Variants in NXPE2 observed in about 807,000 individuals in gnomAD.
NXPE2 encodes NXPE family member 2.
NXPE2 carries 34 observed loss-of-function variants against 34.4 expected under a neutral mutation model. The observed-to-expected ratio is 0.99, with a 90% confidence interval of 0.75 to 1.31. NXPE2 has a LOEUF of 1.31. NXPE2 is among the 40% of genes most tolerant of loss of function. The pLI is 0.00. For synonymous variants in NXPE2, 235 were observed against 231.3 expected (o/e 1.02, Z -0.15); for missense variants, 649 against 672.5 (o/e 0.97, Z 0.39).
the NXPE2 span, among the ~76,000 whole-genome samples, chr11:114,466,698 T>A: frequency 6.6e-6 from 1 of 152,326 alleles, no homozygotes; most frequent in African/African-American, 2.4e-5. Flanking sequence ...GTGGTATCAT[T>A]CCTTGTTGCA....
chr11:114,687,940 G>A (rs1438504062), intron 2 of NXPE2, among the ~76,000 whole-genome samples: 2 of 151,998 alleles, frequency 1.3e-5, no homozygotes, highest in Non-Finnish European at 2.9e-5. Flanking sequence ...CGTAAGTTTT[G>A]TATCCTGAGA....
At chr11:114,637,187 T>C in the NXPE2 span, among the ~76,000 whole-genome samples, 1 of 151,964 alleles carries the variant, frequency 6.6e-6, no homozygotes, top group African/African-American at 2.4e-5. Flanking sequence ...TTAGCTCTTC[T>C]TGTTGAGTTG....
chr11:114,509,062 A>G, the NXPE2 span, among the ~76,000 whole-genome samples: 2 of 152,230 alleles, frequency 1.3e-5, no homozygotes, highest in Non-Finnish European at 2.9e-5. Context: ...AATTACAAGA[A>G]AAAATCAACC....
chr11:114,586,789 C>T, the NXPE2 span, among the ~76,000 whole-genome samples: 1,432 of 152,188 alleles, frequency 9.4e-3, 21 homozygotes, highest in African/African-American at 0.032. Context: ...CTTTCCTATC[C>T]GCAACTTCCA....
chr11:114,637,577 G>A, the NXPE2 span, among the ~76,000 whole-genome samples: 1 of 150,380 alleles, frequency 6.6e-6, no homozygotes, highest in African/African-American at 2.4e-5. Context: ...TTTACATTTT[G>A]GCATGATTTT....
downstream of NXPE2, among the ~76,000 whole-genome samples, chr11:114,711,558 A>G (rs1859612812): frequency 6.6e-6 from 1 of 152,206 alleles, no homozygotes; most frequent in African/African-American, 2.4e-5. Flanking sequence ...AATATACTTA[A>G]TTAAGGAGAT....
the NXPE2 span, among the ~76,000 whole-genome samples, chr11:114,489,571 G>A: frequency 9.9e-5 from 15 of 151,676 alleles, no homozygotes; most frequent in Non-Finnish European, 1.0e-4. Context: ...ATCAATAAAC[G>A]TAATCCAGCA....
chr11:114,522,495 A>G, the NXPE2 span: 5 of 1,587,422 alleles, frequency 3.1e-6, no homozygotes, highest in Admixed American at 9.1e-5. Flanking sequence ...AGATCAAAAA[A>G]CTTCAGTGCT....
At chr11:114,775,849 C>A in the NXPE2 span, among the ~76,000 whole-genome samples, 4 of 149,568 alleles carry the variant, frequency 2.7e-5, no homozygotes, top group Admixed American at 1.3e-4. Flanking sequence ...ACTCCAGCAG[C>A]CTTCTGGAAG....
At chr11:114,552,175 A>G in the NXPE2 span, 2 of 152,302 alleles carry the variant, frequency 1.3e-5, no homozygotes, top group South Asian at 4.1e-4. Flanking sequence ...ATTTTAAACA[A>G]GATATAGTAC....
At chr11:114,641,879 C>T in the NXPE2 span, among the ~76,000 whole-genome samples, 1 of 152,034 alleles carries the variant, frequency 6.6e-6, no homozygotes, top group Non-Finnish European at 1.5e-5. Flanking sequence ...GGATACACAT[C>T]TGAATTGGTG....
chr11:114,583,858 A>G, the NXPE2 span: 1 of 394,370 alleles, frequency 2.5e-6, no homozygotes, highest in Non-Finnish European at 4.9e-6. Context: ...ATAAATATGG[A>G]GAGTACTTCC....
the NXPE2 span, among the ~76,000 whole-genome samples, chr11:114,632,729 T>A: frequency 2.0e-5 from 1 of 49,278 alleles, no homozygotes; most frequent in East Asian, 7.1e-4. Flanking sequence ...ATATAATATA[T>A]AATATATATA....
chr11:114,516,461 C>T, the NXPE2 span, among the ~76,000 whole-genome samples: 1 of 152,094 alleles, frequency 6.6e-6, no homozygotes, highest in Admixed American at 6.5e-5. Context: ...TAATAAAAAC[C>T]TACATGTCCA....
At chr11:114,620,764 G>A in the NXPE2 span, among the ~76,000 whole-genome samples, 3 of 152,178 alleles carry the variant, frequency 2.0e-5, no homozygotes, top group East Asian at 1.9e-4. Context: ...ATTGCCTCAT[G>A]TCTAACCACT....
chr11:114,627,704 A>C, the NXPE2 span, among the ~76,000 whole-genome samples: 14 of 152,282 alleles, frequency 9.2e-5, no homozygotes, highest in South Asian at 2.7e-3. Context: ...TAAATGCTCC[A>C]ATTAAAAGAC....
chr11:114,502,148 C>T, the NXPE2 span, among the ~76,000 whole-genome samples: 1 of 152,288 alleles, frequency 6.6e-6, no homozygotes, highest in Non-Finnish European at 1.5e-5. Flanking sequence ...ACATACTTGA[C>T]ACATACAAGA....
the NXPE2 span, among the ~76,000 whole-genome samples, chr11:114,534,413 C>A: frequency 6.6e-6 from 1 of 152,182 alleles, no homozygotes; most frequent in African/African-American, 2.4e-5. Flanking sequence ...TCCTCACCAG[C>A]AACAGAACAA....
At chr11:114,780,010 C>T in the NXPE2 span, among the ~76,000 whole-genome samples, 1,275 of 152,276 alleles carry the variant, frequency 8.4e-3, 55 homozygotes, top group Admixed American at 0.079. Context: ...CTGTAGATAT[C>T]GACAGCCAGT....
Sources: gnomAD v4.1 joint callset for allele counts (sites outside exome capture counted in the v4.1 genomes callset) on GRCh38, gnomAD v4.1.1 for gene constraint, MANE v1.5 for transcripts, NCBI Gene and HGNC (gene_info 2026-07-23, HGNC 2026-07-21) for gene names.